The following TMEM120A variants were observed in gnomAD, a reference collection of about 807,000 sequenced individuals.
The protein encoded by TMEM120A is ion channel TACAN.
Under a neutral mutation model 54.3 loss-of-function variants are expected in TMEM120A, and 45 were observed. The observed-to-expected ratio is 0.83, with a 90% CI of 0.65 to 1.06. The LOEUF (loss-of-function observed/expected upper bound fraction) is 1.06. TMEM120A is among the 50% of genes least tolerant of loss of function. The probability of loss-of-function intolerance (pLI) is 0.00; values close to 1 mark genes in which losing one functional copy is unlikely to be tolerated. For missense variants in TMEM120A, 424 were observed against 441.7 expected (o/e 0.96, Z 0.36); for synonymous variants, 204 against 178.5 (o/e 1.14, Z -1.14).
At chr7:75,992,345 G>T in intron 2 of TMEM120A, 85 bp from the exon 3 acceptor site, 3 of 1,546,860 alleles carry the variant, frequency 1.9e-6, no homozygotes, top group Non-Finnish European at 1.8e-6. Flanking sequence ...GGCAAACAGG[G>T]CCCAGAGAGG....
chr7:75,986,926 A>T lies in TMEM120A; in HGVS notation c.*246T>A. On this transcript the variant is annotated 3_prime_UTR_variant, in exon 12 of 12. Coordinates refer to ENST00000493111, the MANE Select transcript of TMEM120A (RefSeq NM_031925.3). ...AACTTAACTAACTCAGACCCCAGGA[A>T]CCCATGTGGTGGGGCCACCCAGCCC... 1 of 594,964 alleles carries T rather than the reference A, an allele frequency of 1.7e-6. No individual in the cohort carries two copies. Among genetic ancestry groups the T allele is most frequent in the Non-Finnish European group, 3.0e-6 (1 of 335,504 alleles). 36.9% of individuals were successfully genotyped at this position (594,964 alleles called of 1,614,324 possible).
intron 2 of TMEM120A, 44 bp downstream of exon 2, chr7:75,992,395 C>G (rs1464630426): frequency 6.4e-7 from 1 of 1,574,460 alleles, no homozygotes; most frequent in African/African-American, 1.3e-5. Flanking sequence ...CCAGCCCTCC[C>G]ACCCCACACT....
At chr7:75,992,671 G>T (rs1004163099) in intron 1 of TMEM120A, 114 bp from the exon 2 acceptor site, 4 of 719,798 alleles carry the variant, frequency 5.6e-6, no homozygotes, top group South Asian at 5.4e-5. Flanking sequence ...TTCGCTCAGC[G>T]GGAAAGGAGG....
Position 75,987,522 on chromosome 7 carries a change from C to T in TMEM120A, c.849+16G>A, listed in dbSNP as rs202215244. 2 of 1,582,006 alleles carry T rather than the reference C, an allele frequency of 1.3e-6. No individual in the cohort carries two copies. The highest frequency in any genetic ancestry group is 8.6e-7 in the Non-Finnish European group (1 of 1,165,028). ...ACGGACAGACAGACAGGCAGGGACA[C>T]AGAGGCACGACTTACGTGTCCAAAG... is the stretch of plus-strand genomic sequence containing the variant. On this transcript the variant is annotated intron_variant, in intron 10 of 11. Coordinates refer to ENST00000493111, the MANE Select transcript of TMEM120A (RefSeq NM_031925.3).
intron 1 of TMEM120A, 100 bp from the exon 2 acceptor site, chr7:75,992,657 G>A: frequency 3.5e-6 from 3 of 855,620 alleles, no homozygotes; most frequent in Non-Finnish European, 5.4e-6. Flanking sequence ...GCTGCTGGGA[G>A]GGTTTCGCTC....
intron 8 of TMEM120A, 32 bp downstream of exon 8, chr7:75,987,891 C>T: frequency 2.5e-6 from 4 of 1,599,018 alleles, no homozygotes; most frequent in Non-Finnish European, 3.4e-6. Context: ...CGGGTGCCTC[C>T]AGGGCTCAGC....
chr7:75,989,268 A>G (rs782645577), intron 3 of TMEM120A, 44 bp from the exon 4 acceptor site: 29 of 1,312,156 alleles, frequency 2.2e-5, no homozygotes, highest in Admixed American at 1.6e-4. Context: ...CGAGTGACAG[A>G]CAAGCCACCG....
rs370994918 is a variant in TMEM120A at position 75,988,360 on chromosome 7, G to C, written c.474-19C>G. 1.1e-5 allele frequency: 17 copies of C among 1,610,892 alleles called. No individual in the cohort carries two copies. In the South Asian group the frequency reaches 1.9e-4, roughly 18 times the overall value. ...TGTCACCCTGCGGAGGGAGGGGACCGAGGGTTGGTACTGCAGCGACTGGGG... is the reference window on the plus strand; with the variant it reads ...TGTCACCCTGCGGAGGGAGGGGACCCAGGGTTGGTACTGCAGCGACTGGGG... On this transcript the variant is annotated intron_variant, in intron 5 of 11. Transcript: ENST00000493111.
rs1321282027 is a variant in TMEM120A at position 75,989,299 on chromosome 7, G to A, written c.318-75C>T. 4.9e-6 allele frequency: 5 copies of A among 1,021,700 alleles called. No homozygotes were observed. In the African/African-American group the frequency reaches 6.3e-5, roughly 13 times the overall value. 63.3% of individuals were successfully genotyped at this position (1,021,700 alleles called of 1,614,324 possible). A position where few individuals can be genotyped will look rare whatever the true frequency, so the allele number is the denominator to read the frequency against. On this transcript the variant is annotated intron_variant, in intron 3 of 11. Transcript: ENST00000493111. ...CACCGGTACTCAGCCAAGCCTGCCA[G>A]GCCAGAGCCTGGGCCACCACCCCAC... is the stretch of plus-strand genomic sequence containing the variant.
At chr7:75,994,424 C>T (rs1394231466) in intron 1 of TMEM120A, 66 bp downstream of exon 1, 22 of 1,453,398 alleles carry the variant, frequency 1.5e-5, no homozygotes, top group Non-Finnish European at 1.0e-5. Flanking sequence ...CAGGGCTGCC[C>T]GACCCTTGAC....
At chr7:75,992,865 G>T (rs1789903842) in intron 1 of TMEM120A, among the ~76,000 whole-genome samples, 1 of 152,060 alleles carries the variant, frequency 6.6e-6, no homozygotes, top group African/African-American at 2.4e-5. Flanking sequence ...TGCAATGGCA[G>T]GATCTCAGCT....
At chr7:75,990,545 T>C (rs1789801181) in intron 3 of TMEM120A, among the ~76,000 whole-genome samples, 1 of 151,964 alleles carries the variant, frequency 6.6e-6, no homozygotes, top group African/African-American at 2.4e-5. Context: ...TAATTTCCAG[T>C]TCCTAGTTGC....
At position 75,988,407 on chromosome 7, in the gene TMEM120A, G is replaced by C. The variant is rs1554560734; in HGVS notation, c.473+14C>G. 3 of 1,611,140 alleles carry C rather than the reference G, an allele frequency of 1.9e-6. No homozygotes were observed. The Admixed American group carries it at 5.0e-5, about 27-fold the overall frequency. ...GGGGATGGGGTGGGTCCTCGGCCGG[G>C]GTGGGACGCCCACCTGGAGTTGAGC... On this transcript the variant is annotated intron_variant, in intron 5 of 11. Transcript: ENST00000493111.
chr7:75,991,863 A>G (rs1409314461), intron 3 of TMEM120A, among the ~76,000 whole-genome samples: 1 of 151,840 alleles, frequency 6.6e-6, no homozygotes, highest in Non-Finnish European at 1.5e-5. Context: ...ATTCTGTAAG[A>G]CTCAGCCCAC....
rs1554560597 is a variant in TMEM120A, at chr7:75,988,161, G to A, written c.564-13C>T. On this transcript the variant is annotated splice_polypyrimidine_tract_variant and intron_variant, in intron 6 of 11. Transcript: ENST00000493111. Reference sequence around the variant, plus strand: ...CCAGCCTTTGATCCTGGAGCAGAGAGCCACCATCACCCCCAGCGCCTGTTC... The same window carrying A: ...CCAGCCTTTGATCCTGGAGCAGAGAACCACCATCACCCCCAGCGCCTGTTC... 5.6e-6 allele frequency: 9 copies of A among 1,610,890 alleles called. No individual in the cohort carries two copies. Among genetic ancestry groups the A allele is most frequent in the South Asian group, 4.4e-5 (4 of 90,898 alleles).
In TMEM120A at chr7:75,994,584, G is replaced by T. The variant is rs782730108; in HGVS notation, c.-14C>A. On this transcript the variant is annotated 5_prime_UTR_variant, in exon 1 of 12. The change creates a new upstream start codon in the 5' untranslated region. Coordinates refer to ENST00000493111, the MANE Select transcript of TMEM120A (RefSeq NM_031925.3). The stretch of plus-strand genomic sequence containing the variant: ...CGGGGGCTGCATGGCTGCAGCGCCA[G>T]TAGCCAGTAGTGGAGGACGGCGCAG... The T allele has an allele frequency of 6.5e-7, 1 of 1,526,770 alleles. No individual in the cohort carries two copies. The highest frequency in any genetic ancestry group is 8.8e-7 in the Non-Finnish European group (1 of 1,135,854). The allele number at this position is 1,526,770 out of a possible 1,614,324, so 94.6% of individuals were successfully genotyped here.
rs1230846558 is a variant in TMEM120A, at chr7:75,987,098, G to A, written c.*74C>T. The A allele has an allele frequency of 6.2e-6, 8 of 1,280,268 alleles. No individual in the cohort carries two copies. The highest frequency in any genetic ancestry group is 1.8e-4 in the Middle Eastern group (1 of 5,480). The allele number at this position is 1,280,268 out of a possible 1,614,324, so 79.3% of individuals were successfully genotyped here. On this transcript the variant is annotated 3_prime_UTR_variant, in exon 12 of 12. Coordinates refer to ENST00000493111, the MANE Select transcript of TMEM120A (RefSeq NM_031925.3). ...GAGACCCCCTGATACACGCACACTCGAGGGGCGCCTCCCATCCCCTCCCAC... is the reference window on the plus strand; with the variant it reads ...GAGACCCCCTGATACACGCACACTCAAGGGGCGCCTCCCATCCCCTCCCAC...
At position 75,988,405 on chromosome 7, in the gene TMEM120A, G is replaced by C. The variant is rs549535191; in HGVS notation, c.473+16C>G. The stretch of plus-strand genomic sequence containing the variant: ...CTGGGGATGGGGTGGGTCCTCGGCC[G>C]GGGTGGGACGCCCACCTGGAGTTGA... On this transcript the variant is annotated intron_variant, in intron 5 of 11. Coordinates refer to ENST00000493111, the MANE Select transcript of TMEM120A (RefSeq NM_031925.3). The C allele has an allele frequency of 5.3e-4, 858 of 1,610,418 alleles. 6 individuals are homozygous for C. The Middle Eastern group carries it at 6.0e-3, about 11-fold the overall frequency.
intron 3 of TMEM120A, among the ~76,000 whole-genome samples, chr7:75,991,509 G>A (rs1417993359): frequency 6.6e-6 from 1 of 152,076 alleles, no homozygotes; most frequent in Non-Finnish European, 1.5e-5. Context: ...GGGTTCAAGT[G>A]ATTCTCCTGT....
Sources: gnomAD v4.1 joint callset for allele counts (sites outside exome capture counted in the v4.1 genomes callset) on GRCh38, gnomAD v4.1.1 for gene constraint, MANE v1.5 for transcripts, NCBI Gene and HGNC (gene_info 2026-07-23, HGNC 2026-07-21) for gene names.